Variants in PTGIS observed in about 807,000 individuals in gnomAD.
The protein encoded by PTGIS is prostacyclin synthase.
In PTGIS, 45 loss-of-function variants were observed where a neutral mutation model predicts 50.3. That is an observed-to-expected ratio of 0.90 (90% CI 0.70 to 1.15). PTGIS has a LOEUF of 1.15. Among genes scored for constraint, PTGIS ranks in the 50% most tolerant of loss-of-function variants. The pLI is 0.00. For synonymous variants in PTGIS, 260 were observed against 267.7 expected, an observed-to-expected ratio of 0.97 and a Z score of 0.28; for missense variants, 668 against 661.3, an observed-to-expected ratio of 1.01 and a Z score of -0.11.
At chr20:49,536,454 T>TTTTCTTTCTTTCTTTCTTTCTTTCTTTC (rs1159152340) in intron 5 of PTGIS, among the ~76,000 whole-genome samples, 10 of 142,282 alleles carry the variant, frequency 7.0e-5, no homozygotes, top group African/African-American at 2.6e-4. Flanking sequence ...TCTTTTTTTC[T>TTTTCTTTCTTTCTTTCTTTCTTTCTTTC]TTTCTTTCTT....
intron 6 of PTGIS, among the ~76,000 whole-genome samples, chr20:49,516,910 T>C (rs1335647054): frequency 6.6e-6 from 1 of 152,228 alleles, no homozygotes; most frequent in Non-Finnish European, 1.5e-5. Context: ...ATCCCTGGAC[T>C]GAGACCAGGT....
At position 49,514,226 on chromosome 20, in the gene PTGIS, C is replaced by T. The variant is rs563471889; in HGVS notation, c.1024+1G>A. ...TATCTTGGAGGGTCTGACGATCTCACCAAGCACAGGTGTGCTGTCTAGAAC... is the reference window on the plus strand; with the variant it reads ...TATCTTGGAGGGTCTGACGATCTCATCAAGCACAGGTGTGCTGTCTAGAAC... On this transcript the variant is annotated splice_donor_variant, in intron 7 of 9. Coordinates refer to ENST00000244043, the MANE Select transcript of PTGIS (RefSeq NM_000961.4). LOFTEE classifies it high-confidence loss of function. 5.0e-6 allele frequency: 8 copies of T among 1,613,644 alleles called. No individual in the cohort carries two copies. The South Asian group carries it at 6.6e-5, about 13-fold the overall frequency.
intron 5 of PTGIS, among the ~76,000 whole-genome samples, chr20:49,530,791 C>T (rs190694976): frequency 1.4e-3 from 220 of 152,260 alleles, no homozygotes; most frequent in Admixed American, 4.1e-3. Context: ...GGCAGAGTCT[C>T]GCTCTGTCGC....
At chr20:49,556,865 CCTT>C (rs1425499903) in intron 1 of PTGIS, among the ~76,000 whole-genome samples, 2 of 152,052 alleles carry the variant, frequency 1.3e-5, no homozygotes, top group Non-Finnish European at 2.9e-5. Context: ...CAATGTTTTC[CCTT>C]CTTTTTTTTT....
intron 3 of PTGIS, 72 bp from the exon 4 acceptor site, chr20:49,544,520 C>T (rs1033289420): frequency 6.3e-7 from 1 of 1,578,538 alleles, no homozygotes; most frequent in East Asian, 2.2e-5. Context: ...ACCTCCCTCC[C>T]CAAACCTAAG....
chr20:49,543,828 A>G (rs1176708065), intron 4 of PTGIS, among the ~76,000 whole-genome samples: 2 of 152,178 alleles, frequency 1.3e-5, no homozygotes, highest in South Asian at 2.1e-4. Flanking sequence ...AGCTGTGTGA[A>G]TTTGGGGACT....
chr20:49,536,457 T>A (rs1455834233), intron 5 of PTGIS, among the ~76,000 whole-genome samples: 1 of 134,080 alleles, frequency 7.5e-6, no homozygotes, highest in Admixed American at 7.2e-5. Context: ...TTTTTTCTTT[T>A]CTTTCTTTCT....
At chr20:49,549,758 C>T (rs1222362088) in intron 2 of PTGIS, among the ~76,000 whole-genome samples, 2 of 152,042 alleles carry the variant, frequency 1.3e-5, no homozygotes, top group South Asian at 2.1e-4. Context: ...GGATGTTGAA[C>T]GGATGGAAAT....
In PTGIS at chr20:49,568,117, C is replaced by CGCGGGGCCG; in HGVS notation, c.-2_-1insCGGCCCCGC. On this transcript the variant is annotated 5_prime_UTR_variant, in exon 1 of 10. Transcript: ENST00000244043. The stretch of plus-strand genomic sequence containing the variant: ...GGCCGAGGAGCGCGGCCCAAGCCAT[C>CGCGGGGCCG]GCGGGGCTGGCGGGGCTGGCGGGGC... 1.3e-6 allele frequency: 1 copy of CGCGGGGCCG among 784,884 alleles called. No individual in the cohort carries two copies. The highest frequency in any genetic ancestry group is 1.8e-6 in the Non-Finnish European group (1 of 569,000). 48.6% of individuals were successfully genotyped at this position (784,884 alleles called of 1,614,324 possible).
rs777834188 is a variant in PTGIS at position 49,534,575 on chromosome 20, C to A, written c.673+4995G>T. Among the ~76,000 whole-genome samples the A allele has an allele frequency of 7.9e-5, 12 of 152,126 alleles. 1 individual carries two copies. The highest frequency in any genetic ancestry group is 8.8e-5 in the Non-Finnish European group (6 of 67,982). On this transcript the variant is annotated intron_variant, in intron 5 of 9. Transcript: ENST00000244043. Reference sequence around the variant, plus strand: ...AGAAACCCAATTTTTCCTGGGGAAGCAATCAGTGCTAGGATGTGGCAGGTG... The same window carrying A: ...AGAAACCCAATTTTTCCTGGGGAAGAAATCAGTGCTAGGATGTGGCAGGTG...
At chr20:49,515,063 G>A (rs1399993020) in intron 6 of PTGIS, among the ~76,000 whole-genome samples, 1 of 152,176 alleles carries the variant, frequency 6.6e-6, no homozygotes, top group Non-Finnish European at 1.5e-5. Flanking sequence ...GGTGTATGCC[G>A]CTGATGAGTT....
intron 3 of PTGIS, 130 bp from the exon 4 acceptor site, chr20:49,544,578 G>A: frequency 3.2e-6 from 3 of 951,206 alleles, no homozygotes; most frequent in Non-Finnish European, 5.0e-6. Context: ...CTGCGGAAGA[G>A]TAGCTTAAAT....
chr20:49,548,724 A>AG (rs1214005269), intron 2 of PTGIS, among the ~76,000 whole-genome samples: 4 of 151,742 alleles, frequency 2.6e-5, no homozygotes, highest in African/African-American at 9.7e-5. Context: ...GAAGGAAGGA[A>AG]GGAAGGGAGG....
chr20:49,523,956 T>C, intron 6 of PTGIS, 102 bp downstream of exon 6: 1 of 1,406,016 alleles, frequency 7.1e-7, no homozygotes, highest in African/African-American at 1.4e-5. Flanking sequence ...GGCATAGTCA[T>C]GTGCACACCT....
At chr20:49,538,403 A>C (rs2122874953) in intron 5 of PTGIS, among the ~76,000 whole-genome samples, 1 of 152,174 alleles carries the variant, frequency 6.6e-6, no homozygotes, top group Non-Finnish European at 1.5e-5. Flanking sequence ...GTCTCAAAAA[A>C]ATTGTTTTTA....
chr20:49,544,796 C>T (rs1257832434), intron 3 of PTGIS, among the ~76,000 whole-genome samples: 2 of 152,232 alleles, frequency 1.3e-5, no homozygotes, highest in Non-Finnish European at 2.9e-5. Context: ...GTCTGCCCAA[C>T]TCCAGCATCT....
Position 49,539,687 on chromosome 20 carries a change from G to C in PTGIS, c.556C>G (p.Leu186Val). ...GYLTLYGIEA[L>V]PRTHESQAQD... ...GCCTGGCTTTCATGGGTGCGTGGCAGCGCCTCAATTCCGTAAAGAGTCAGG... is the reference window on the plus strand; with the variant it reads ...GCCTGGCTTTCATGGGTGCGTGGCACCGCCTCAATTCCGTAAAGAGTCAGG... The change falls in exon 5 of 10, where the codon CTG (leucine) becomes GTG (valine). Residue 186 changes from leucine (L) to valine (V), a missense_variant. Transcript: ENST00000244043. 6.2e-7 allele frequency: 1 copy of C among 1,613,576 alleles called. No homozygotes were observed. Among genetic ancestry groups the C allele is most frequent in the Non-Finnish European group, 8.5e-7 (1 of 1,179,978 alleles).
chr20:49,529,133 C>T (rs768318525), intron 5 of PTGIS, among the ~76,000 whole-genome samples: 2 of 152,154 alleles, frequency 1.3e-5, no homozygotes, highest in East Asian at 1.9e-4. Flanking sequence ...CACGTGCATG[C>T]ATGGTGAGAA....
At chr20:49,514,740 G>C (rs553333364) in intron 6 of PTGIS, among the ~76,000 whole-genome samples, 8 of 152,206 alleles carry the variant, frequency 5.3e-5, no homozygotes, top group Admixed American at 3.3e-4. Flanking sequence ...TGATCACATT[G>C]TTGGCCCCAA....
Sources: allele counts gnomAD v4.1 joint callset (sites outside exome capture counted in the v4.1 genomes callset), GRCh38; gene constraint gnomAD v4.1.1; transcripts MANE v1.5; gene names NCBI Gene and HGNC (gene_info 2026-07-23, HGNC 2026-07-21).